OR2L13: variants seen among roughly 807,000 people sequenced by gnomAD.
OR2L13 encodes the protein olfactory receptor 2L13.
OR2L13 carries 14 observed loss-of-function variants against 15.3 expected under a neutral mutation model. The observed-to-expected ratio is 0.91, with a 90% confidence interval of 0.60 to 1.43. The LOEUF (loss-of-function observed/expected upper bound fraction) is 1.43. Among genes scored for constraint, OR2L13 ranks in the 40% most tolerant of loss-of-function variants. OR2L13 has a pLI of 0.00. For synonymous variants in OR2L13, 152 were observed against 142.9 expected (o/e 1.06, Z -0.45); for missense variants, 367 against 387.9 (o/e 0.95, Z 0.45).
At chr1:248,096,144 C>T (rs61856420), upstream of OR2L13, among the ~76,000 whole-genome samples, 3,750 of 151,784 alleles carry the variant, frequency 0.025, 62 homozygotes, top group Middle Eastern at 0.051. Context: ...TTTGGGAGGC[C>T]GAGGTGGGCA....
the OR2L13 span, among the ~76,000 whole-genome samples, chr1:248,080,869 A>G: frequency 7.9e-5 from 12 of 152,288 alleles, no homozygotes; most frequent in Admixed American, 7.2e-4. Context: ...ACACTGGTTG[A>G]ACTACTTTAC....
the OR2L13 span, among the ~76,000 whole-genome samples, chr1:247,943,667 A>G: frequency 6.6e-6 from 1 of 152,142 alleles, no homozygotes; most frequent in Admixed American, 6.6e-5. Flanking sequence ...TGATGAGTTT[A>G]TCAGGATATT....
the OR2L13 span, among the ~76,000 whole-genome samples, chr1:247,956,667 C>G: frequency 0.84 from 126,537 of 151,290 alleles, 56,584 homozygotes; most frequent in Non-Finnish European, 0.98. Flanking sequence ...CACGTCCCTT[C>G]TAAGTTGGAT....
At chr1:248,063,899 A>C in the OR2L13 span, among the ~76,000 whole-genome samples, 102,358 of 152,210 alleles carry the variant, frequency 0.67, 40,780 homozygotes, top group South Asian at 0.9. Context: ...TACTGGACCA[A>C]AACTGCTTGC....
At chr1:248,030,680 T>TA in the OR2L13 span, among the ~76,000 whole-genome samples, 1 of 152,198 alleles carries the variant, frequency 6.6e-6, no homozygotes, top group Admixed American at 6.5e-5. Context: ...TGCTGCTTCT[T>TA]ACTTTGTGAT....
chr1:248,037,434 T>C, the OR2L13 span, among the ~76,000 whole-genome samples: 1 of 152,184 alleles, frequency 6.6e-6, no homozygotes, highest in Non-Finnish European at 1.5e-5. Context: ...GCGTATGTTT[T>C]AAGCATAGCA....
At chr1:247,953,640 T>C in the OR2L13 span, among the ~76,000 whole-genome samples, 1 of 152,160 alleles carries the variant, frequency 6.6e-6, no homozygotes, top group African/African-American at 2.4e-5. Context: ...GCTGAAAACA[T>C]TGAAGAAATT....
the OR2L13 span, among the ~76,000 whole-genome samples, chr1:248,036,403 A>T: frequency 6.6e-6 from 1 of 152,168 alleles, no homozygotes; most frequent in African/African-American, 2.4e-5. Context: ...ATTTTATAAC[A>T]TATCATAGAC....
At chr1:248,061,477 T>C in the OR2L13 span, 1 of 1,614,006 alleles carries the variant, frequency 6.2e-7, no homozygotes, top group African/African-American at 1.3e-5. Context: ...ATCCCTGCGA[T>C]CTCCAACAGA....
chr1:248,060,943 A>G, the OR2L13 span: 38 of 1,613,856 alleles, frequency 2.4e-5, no homozygotes, highest in Non-Finnish European at 3.0e-5. Context: ...TCTGTCTGGT[A>G]ACAAGTCTAT....
chr1:248,067,780 C>T, the OR2L13 span, among the ~76,000 whole-genome samples: 24 of 152,324 alleles, frequency 1.6e-4, no homozygotes, highest in African/African-American at 4.8e-4. Context: ...GAAAATCGGG[C>T]CACTCCCACC....
At chr1:247,963,228 T>A in the OR2L13 span, among the ~76,000 whole-genome samples, 1 of 152,232 alleles carries the variant, frequency 6.6e-6, no homozygotes, top group African/African-American at 2.4e-5. Context: ...TCATGTTTTC[T>A]GGGAAAGGTG....
At chr1:248,079,600 G>C in the OR2L13 span, among the ~76,000 whole-genome samples, 21 of 152,142 alleles carry the variant, frequency 1.4e-4, no homozygotes, top group African/African-American at 5.1e-4. Flanking sequence ...TATCTGTTCG[G>C]TAATAGAAAT....
At chr1:247,985,840 T>C in the OR2L13 span, among the ~76,000 whole-genome samples, 1 of 152,110 alleles carries the variant, frequency 6.6e-6, no homozygotes, top group Non-Finnish European at 1.5e-5. Context: ...TGGTTTTGAT[T>C]TGCATTTCTC....
chr1:247,986,960 CTTCT>C, the OR2L13 span, among the ~76,000 whole-genome samples: 7 of 152,144 alleles, frequency 4.6e-5, no homozygotes, highest in African/African-American at 1.7e-4. Flanking sequence ...TTATTTGTGT[CTTCT>C]TTAATTGCTG....
the OR2L13 span, chr1:247,966,323 T>C: frequency 6.2e-7 from 1 of 1,612,470 alleles, no homozygotes; most frequent in African/African-American, 1.3e-5. Context: ...AAATATGACT[T>C]CAGATCTCTG....
the OR2L13 span, among the ~76,000 whole-genome samples, chr1:248,006,953 G>A: frequency 6.6e-6 from 1 of 152,136 alleles, no homozygotes; most frequent in Non-Finnish European, 1.5e-5. Context: ...AGATACATTT[G>A]TCATAGCAGC....
the OR2L13 span, among the ~76,000 whole-genome samples, chr1:247,966,771 C>T: frequency 0.043 from 6,612 of 152,162 alleles, 207 homozygotes; most frequent in African/African-American, 0.08. Context: ...TTCCTGTTTT[C>T]CTTTCGTGGT....
the OR2L13 span, among the ~76,000 whole-genome samples, chr1:248,012,136 G>A: frequency 1.3e-5 from 2 of 152,058 alleles, no homozygotes; most frequent in South Asian, 2.1e-4. Flanking sequence ...TGCTTTTGTG[G>A]TTTCTGCTGA....
Sources: gnomAD v4.1 joint callset for allele counts (sites outside exome capture counted in the v4.1 genomes callset) on GRCh38, gnomAD v4.1.1 for gene constraint, MANE v1.5 for transcripts, NCBI Gene and HGNC (gene_info 2026-07-23, HGNC 2026-07-21) for gene names.